TRIO: variants seen among roughly 807,000 people sequenced by gnomAD.
TRIO encodes triple functional domain protein.
A neutral mutation model predicts 351.9 loss-of-function variants in TRIO; 58 were observed. The observed-to-expected ratio is 0.16, with a 90% CI of 0.13 to 0.21. The LOEUF (loss-of-function observed/expected upper bound fraction) is 0.21. Among genes scored for constraint, TRIO ranks in the 10% least tolerant of loss-of-function variants. TRIO has a pLI of 1.00. For missense variants in TRIO, 3,201 were observed against 4,027.8 expected (o/e 0.79, Z 5.56); for synonymous variants, 1,758 against 1,595.7 (o/e 1.10, Z -2.42).
chr5:14,182,765 C>T (rs1279085601), intron 1 of TRIO, among the ~76,000 whole-genome samples: 1 of 152,084 alleles, frequency 6.6e-6, no homozygotes, highest in African/African-American at 2.4e-5. Context: ...AGGTGAAGTG[C>T]TCCCTAGGTA....
chr5:14,186,781 T>C (rs1157844391), intron 1 of TRIO, among the ~76,000 whole-genome samples: 1 of 152,124 alleles, frequency 6.6e-6, no homozygotes, highest in East Asian at 1.9e-4. Context: ...TTTCACCATG[T>C]TGGCCAGGCT....
In TRIO at chr5:14,159,957, G is replaced by A. The variant is rs150473231; in HGVS notation, c.157+16075G>A. Among the ~76,000 whole-genome samples the A allele has an allele frequency of 7.4e-4, 113 of 152,262 alleles. 1 individual carries two copies. The highest frequency in any genetic ancestry group is 2.5e-3 in the South Asian group (12 of 4,810). On this transcript the variant is annotated intron_variant, in intron 1 of 56. Transcript: ENST00000344204. ...GTTGTTAGACTCTAAAACAGAAACG[G>A]CATTAATTTGCATAAAATCGCATAT...
intron 1 of TRIO, among the ~76,000 whole-genome samples, chr5:14,251,276 A>G (rs1276712268): frequency 6.6e-6 from 1 of 152,228 alleles, no homozygotes; most frequent in African/African-American, 2.4e-5. Flanking sequence ...TAGGAACACA[A>G]TGGAATGGCC....
rs539850349 is a variant in TRIO at position 14,462,853 on chromosome 5, C to T, written c.5595C>T (p.Asp1865=). 1.2e-5 allele frequency: 20 copies of T among 1,613,324 alleles called. No individual in the cohort carries two copies. The highest frequency in any genetic ancestry group is 3.3e-4 in the Middle Eastern group (2 of 6,062). The change falls in exon 36 of 57, where the codon GAC becomes GAT. Residue 1865 remains aspartate (D), a synonymous_variant. Coordinates refer to ENST00000344204, the MANE Select transcript of TRIO (RefSeq NM_007118.4). ...AAGAGGAAGGCGAGGAGGGGGCCGA[C>T]GCCGTGCCCCTGCCGCCACCCATGG... ...CGEEEGEEGA[D]AVPLPPPMAI...
chr5:14,384,344 A>C (rs30791), intron 21 of TRIO, among the ~76,000 whole-genome samples: 41,915 of 152,176 alleles, frequency 0.28, 6,004 homozygotes, highest in Middle Eastern at 0.37. Flanking sequence ...TGTCTAAGAA[A>C]ATGATGAGCA....
At chr5:14,504,659 C>T in intron 55 of TRIO, 66 bp downstream of exon 55, 1 of 1,546,636 alleles carries the variant, frequency 6.5e-7, no homozygotes, top group East Asian at 2.3e-5. Flanking sequence ...TTTTGTTGTT[C>T]CTGTTTGTTC....
chr5:14,159,130 T>A (rs970479568), intron 1 of TRIO, among the ~76,000 whole-genome samples: 4 of 152,172 alleles, frequency 2.6e-5, no homozygotes, highest in African/African-American at 9.7e-5. Context: ...GCGTCTCTTA[T>A]GGAGGAATTT....
chr5:14,487,801 C>T lies in TRIO; in HGVS notation c.7173C>T (p.Ser2391=). 7.1e-7 allele frequency: 1 copy of T among 1,408,870 alleles called. No homozygotes were observed. The highest frequency in any genetic ancestry group is 9.3e-7 in the Non-Finnish European group (1 of 1,080,406). The allele number at this position is 1,408,870 out of a possible 1,614,324, so 87.3% of individuals were successfully genotyped here. A position where few individuals can be genotyped will look rare whatever the true frequency, so the allele number is the denominator to read the frequency against. Residue 2391 remains serine (S), a synonymous_variant, in exon 48 of 57, where the codon AGC becomes AGT. Transcript: ENST00000344204. ...CCGAGGCCGGCCCCAGCGCGCCCAG[C>T]AGGCGGCCCCCCGGCGCGGACGCCG... ...AAPEAGPSAP[S]RRPPGADAEG...
intron 1 of TRIO, among the ~76,000 whole-genome samples, chr5:14,156,937 A>G (rs1344915267): frequency 6.6e-6 from 1 of 152,226 alleles, no homozygotes; most frequent in East Asian, 1.9e-4. Context: ...CAGAGAAGAA[A>G]GGGAGATTAA....
Position 14,461,164 on chromosome 5 carries a change from G to A in TRIO, c.5349G>A (p.Arg1783=), listed in dbSNP as rs1359784053. The stretch of plus-strand genomic sequence containing the variant: ...AGTGGCTCACCAGCCCCGTGCGGCG[G>A]CTCAGCAGCGGCAAGGCCGACGGGC... ...LRKWLTSPVR[R]LSSGKADGHV... Residue 1783 remains arginine, a synonymous_variant, in exon 35 of 57, where the codon CGG becomes CGA. Transcript: ENST00000344204. 1 of 1,557,340 alleles carries A rather than the reference G, an allele frequency of 6.4e-7. No individual in the cohort carries two copies.
intron 33 of TRIO, among the ~76,000 whole-genome samples, chr5:14,412,220 C>G (rs202023877): frequency 6.6e-6 from 1 of 151,930 alleles, no homozygotes; most frequent in Admixed American, 6.6e-5. Context: ...ACTCCTGACC[C>G]CAGGTGATCC....
intron 47 of TRIO, 126 bp from the exon 48 acceptor site, chr5:14,487,338 G>T: frequency 9.7e-7 from 1 of 1,035,478 alleles, no homozygotes; most frequent in Non-Finnish European, 1.2e-6. Flanking sequence ...GATGGGTGGG[G>T]TTGCTCTGCG....
chr5:14,319,741 C>CT (rs1472839829), intron 9 of TRIO, among the ~76,000 whole-genome samples: 1 of 152,158 alleles, frequency 6.6e-6, no homozygotes, highest in African/African-American at 2.4e-5. Flanking sequence ...GGAGTAAATG[C>CT]TTGTCTGTTG....
At chr5:14,414,478 A>G (rs1749472750) in intron 33 of TRIO, among the ~76,000 whole-genome samples, 1 of 152,246 alleles carries the variant, frequency 6.6e-6, no homozygotes, top group Admixed American at 6.5e-5. Context: ...TCAGAAAAGC[A>G]GTGTGTGAGC....
At chr5:14,454,251 T>C (rs1753071208) in intron 34 of TRIO, among the ~76,000 whole-genome samples, 1 of 152,148 alleles carries the variant, frequency 6.6e-6, no homozygotes, top group African/African-American at 2.4e-5. Flanking sequence ...TCATGGTATT[T>C]CTCAGGTCAG....
intron 18 of TRIO, among the ~76,000 whole-genome samples, chr5:14,372,275 A>AGT (rs1468164114): frequency 6.7e-6 from 1 of 149,164 alleles, no homozygotes; most frequent in Non-Finnish European, 1.5e-5. Flanking sequence ...AGAGAGAGAG[A>AGT]GTGCAGGCGA....
intron 3 of TRIO, among the ~76,000 whole-genome samples, chr5:14,280,976 A>G (rs1470725843): frequency 1.3e-5 from 2 of 152,208 alleles, no homozygotes; most frequent in Non-Finnish European, 2.9e-5. Flanking sequence ...ACCAAGAGCA[A>G]GCAATGTTGT....
chr5:14,203,752 C>T (rs1472325021), intron 1 of TRIO, among the ~76,000 whole-genome samples: 1 of 152,174 alleles, frequency 6.6e-6, no homozygotes, highest in Admixed American at 6.5e-5. Context: ...CCCTGGCAGT[C>T]ACCTGCCCCT....
intron 49 of TRIO, among the ~76,000 whole-genome samples, chr5:14,493,581 C>T (rs143634829): frequency 1.4e-4 from 21 of 152,278 alleles, no homozygotes; most frequent in South Asian, 8.3e-4. Context: ...TCCATTCCCC[C>T]ATGTGTCTCC....
Sources: allele counts gnomAD v4.1 joint callset (sites outside exome capture counted in the v4.1 genomes callset), GRCh38; gene constraint gnomAD v4.1.1; transcripts MANE v1.5; gene names NCBI Gene and HGNC (gene_info 2026-07-23, HGNC 2026-07-21).